The following STIL variants were observed in gnomAD, a reference collection of about 807,000 sequenced individuals.
STIL encodes the protein STIL centriolar assembly protein.
A neutral mutation model predicts 110.1 loss-of-function variants in STIL; 55 were observed. The observed-to-expected ratio is 0.50, with a 90% confidence interval of 0.40 to 0.63. The LOEUF is 0.63. Ranked by LOEUF, STIL falls within the 20% of genes least tolerant of loss-of-function variation. The pLI is 0.00. For missense variants in STIL, 1,358 were observed against 1,530.0 expected, an observed-to-expected ratio of 0.89 and a Z score of 1.87; for synonymous variants, 481 against 530.0, an observed-to-expected ratio of 0.91 and a Z score of 1.27.
At chr1:47,313,259 G>A (rs1453835706) in intron 1 of STIL, 1 of 152,128 alleles carries the variant, frequency 6.6e-6, no homozygotes, top group Non-Finnish European at 1.5e-5. Context: ...GGGGGACGGA[G>A]GTTGCAGTGA....
chr1:47,284,537 C>T (rs1158510143), intron 10 of STIL, among the ~76,000 whole-genome samples: 1 of 152,106 alleles, frequency 6.6e-6, no homozygotes, highest in African/African-American at 2.4e-5. Context: ...CTTAGTTTGG[C>T]TATTTCTTCC....
chr1:47,295,228 C>T (rs1401594919), intron 7 of STIL, among the ~76,000 whole-genome samples: 2 of 152,078 alleles, frequency 1.3e-5, no homozygotes, highest in South Asian at 2.1e-4. Flanking sequence ...TGAGCCACTG[C>T]GCCTGGCCAT....
Position 47,295,804 on chromosome 1 carries a change from T to G in STIL, c.746A>C (p.Glu249Ala), listed in dbSNP as rs752495028. The change falls in exon 7 of 17, where the codon GAA becomes GCA. Residue 249 changes from glutamate (E) to alanine (A), a missense_variant. Coordinates refer to ENST00000371877, the MANE Select transcript of STIL (RefSeq NM_001048166.1). ...DETRKLLLLLESDPKVYSLPL... is the reference protein window; with the variant it reads ...DETRKLLLLLASDPKVYSLPL... ...TAGAGAATAAACCTTGGGATCAGAT[T>G]CCAACAAAAGTAACAATTTGCGTGT... 1 of 1,612,992 alleles carries G rather than the reference T, an allele frequency of 6.2e-7. No individual in the cohort carries two copies. Among genetic ancestry groups the G allele is most frequent in the Non-Finnish European group, 8.5e-7 (1 of 1,179,374 alleles).
intron 2 of STIL, among the ~76,000 whole-genome samples, chr1:47,308,683 G>T (rs961836255): frequency 6.6e-6 from 1 of 151,924 alleles, no homozygotes; most frequent in African/African-American, 2.4e-5. Flanking sequence ...CAGAAAGAAT[G>T]ATTAAGACCT....
chr1:47,251,142 T>G lies in STIL; in HGVS notation c.3861A>C (p.Leu1287Phe). The G allele has an allele frequency of 6.2e-7, 1 of 1,613,854 alleles. No homozygotes were observed. The highest frequency in any genetic ancestry group is 8.5e-7 in the Non-Finnish European group (1 of 1,179,954). Residue 1287 changes from leucine to phenylalanine, a missense_variant, in exon 17 of 17, where the codon TTA becomes TTC. Coordinates refer to ENST00000371877, the MANE Select transcript of STIL (RefSeq NM_001048166.1). Reference protein sequence around the residue: ...DVKRLRQLPKLF With the variant: ...DVKRLRQLPKFF ...AGGGCAGGGAGTTAAAAGGTTAAAA[T>G]AATTTTGGTAACTGTCTGAGACGTT... is the stretch of plus-strand genomic sequence containing the variant.
rs373235898 is a variant in STIL, at chr1:47,280,235, G to A, written c.2217+6C>T. ...ATTAATAGAACTAGGAAAGCACCAA[G>A]CAAACCTGTGCCTGAAGTAGTCTTA... On this transcript the variant is annotated splice_donor_region_variant and intron_variant, in intron 12 of 16. Coordinates refer to ENST00000371877, the MANE Select transcript of STIL (RefSeq NM_001048166.1). The A allele has an allele frequency of 3.1e-6, 5 of 1,614,152 alleles. No individual in the cohort carries two copies. The highest frequency in any genetic ancestry group is 1.7e-5 in the Admixed American group (1 of 60,018).
In STIL at chr1:47,264,021, G is replaced by C. The variant is rs74447957; in HGVS notation, c.2616-905C>G. On this transcript the variant is annotated intron_variant, in intron 14 of 16. Coordinates refer to ENST00000371877, the MANE Select transcript of STIL (RefSeq NM_001048166.1). ...GCCTGCCTCAGCCTCCCCAAGTGCTGGGATTACAGGCGTGAGCCACTGCAC... is the reference window on the plus strand; with the variant it reads ...GCCTGCCTCAGCCTCCCCAAGTGCTCGGATTACAGGCGTGAGCCACTGCAC... Among the ~76,000 whole-genome samples the C allele has an allele frequency of 5.2e-3, 792 of 152,190 alleles. 2 individuals carry two copies. Among genetic ancestry groups the C allele is most frequent in the East Asian group, 0.03 (157 of 5,174 alleles).
rs754480648 is a variant in STIL, at chr1:47,301,632, C to T, written c.382G>A (p.Val128Ile). Residue 128 changes from valine to isoleucine, a missense_variant, in exon 5 of 17, where the codon GTT (valine) becomes ATT (isoleucine). By Grantham distance (29) the Val-to-Ile change is conservative (BLOSUM62 3). Transcript: ENST00000371877. ...LPGDFLIPCK[V>I]HTQELCSREM... The stretch of plus-strand genomic sequence containing the variant: ...CTTGAACAAAGTTCTTGAGTATGAA[C>T]TTTGCATGGAATCAAAAAGTCCCCA... The T allele has an allele frequency of 8.1e-6, 13 of 1,613,914 alleles. 1 individual carries two copies. Among genetic ancestry groups the T allele is most frequent in the Non-Finnish European group, 1.1e-5 (13 of 1,180,020 alleles).
At chr1:47,294,918 T>C (rs768823883) in intron 7 of STIL, among the ~76,000 whole-genome samples, 2 of 151,742 alleles carry the variant, frequency 1.3e-5, no homozygotes, top group African/African-American at 2.4e-5. Flanking sequence ...AGAATTCAAC[T>C]TATATTTTTT....
intron 10 of STIL, chr1:47,282,734 T>C (rs1208247057): frequency 2.7e-6 from 1 of 372,170 alleles, no homozygotes; most frequent in Non-Finnish European, 5.0e-6. Flanking sequence ...GGGCACCCTC[T>C]AGTTGATCAC....
At chr1:47,282,528 A>G (rs769157219) in intron 10 of STIL, 69 bp from the exon 11 acceptor site, 10 of 923,802 alleles carry the variant, frequency 1.1e-5, no homozygotes, top group Admixed American at 3.6e-5. Flanking sequence ...TAGAAATTGA[A>G]TAAAGTCCTT....
At chr1:47,291,416 A>AAAT (rs548300391) in intron 8 of STIL, among the ~76,000 whole-genome samples, 1 of 147,268 alleles carries the variant, frequency 6.8e-6, no homozygotes, top group East Asian at 1.9e-4. Flanking sequence ...TAAAAATTAA[A>AAAT]TAAATAAATA....
intron 16 of STIL, among the ~76,000 whole-genome samples, chr1:47,253,110 C>T (rs1430145906): frequency 6.6e-6 from 1 of 152,138 alleles, no homozygotes; most frequent in African/African-American, 2.4e-5. Flanking sequence ...AGCCACTGTA[C>T]CCAGCCTGCT....
chr1:47,287,698 A>C, intron 9 of STIL, 38 bp from the exon 10 acceptor site: 1 of 1,464,282 alleles, frequency 6.8e-7, no homozygotes. Flanking sequence ...ATCTGACTTA[A>C]ATAAGAACAC....
intron 11 of STIL, 107 bp downstream of exon 11, chr1:47,282,238 A>G (rs1018606788): frequency 1.3e-6 from 1 of 750,724 alleles, no homozygotes; most frequent in African/African-American, 1.7e-5. Context: ...AGCTAGATAT[A>G]TCTAAGAATG....
intron 14 of STIL, among the ~76,000 whole-genome samples, chr1:47,263,429 T>C (rs1370545001): frequency 6.6e-6 from 1 of 152,164 alleles, no homozygotes; most frequent in Non-Finnish European, 1.5e-5. Context: ...CCTGTAATCC[T>C]AGCTGCTCAG....
chr1:47,297,919 T>TG (rs1328833675), intron 6 of STIL, among the ~76,000 whole-genome samples: 1 of 152,150 alleles, frequency 6.6e-6, no homozygotes. Context: ...TAAATGGGGA[T>TG]GGGTACTAAA....
intron 8 of STIL, 104 bp downstream of exon 8, chr1:47,293,354 G>A: frequency 2.3e-6 from 2 of 870,414 alleles, no homozygotes; most frequent in Non-Finnish European, 3.8e-6. Context: ...TTATTTATAA[G>A]TATTGTAAAA....
At chr1:47,277,490 C>T (rs1361484148) in intron 12 of STIL, among the ~76,000 whole-genome samples, 3 of 152,002 alleles carry the variant, frequency 2.0e-5, no homozygotes, top group Non-Finnish European at 4.4e-5. Context: ...CAAACAACGA[C>T]GGTATGGTGT....
Sources: gnomAD v4.1 joint callset for allele counts (sites outside exome capture counted in the v4.1 genomes callset) on GRCh38, gnomAD v4.1.1 for gene constraint, MANE v1.5 for transcripts, NCBI Gene and HGNC (gene_info 2026-07-23, HGNC 2026-07-21) for gene names.